Variants in JAZF1 observed in about 807,000 individuals in gnomAD.
JAZF1 encodes JAZF zinc finger 1.
Under a neutral mutation model 26.4 loss-of-function variants are expected in JAZF1, and 8 were observed. That is an observed-to-expected ratio of 0.30 (90% CI 0.18 to 0.55). The LOEUF is 0.55. Among genes scored for constraint, JAZF1 ranks in the 20% least tolerant of loss-of-function variants. The pLI is 0.94. For synonymous variants in JAZF1, 126 were observed against 122.3 expected, an observed-to-expected ratio of 1.03 and a Z score of -0.20; for missense variants, 199 against 322.0, an observed-to-expected ratio of 0.62 and a Z score of 2.92.
intron 3 of JAZF1, among the ~76,000 whole-genome samples, chr7:27,881,910 C>T (rs1016999609): frequency 1.3e-5 from 2 of 152,138 alleles, no homozygotes; most frequent in Non-Finnish European, 2.9e-5. Context: ...ACATGAAAAG[C>T]ACCACTTCAT....
At chr7:27,856,470 T>C (rs1053101221) in intron 3 of JAZF1, among the ~76,000 whole-genome samples, 2 of 152,220 alleles carry the variant, frequency 1.3e-5, no homozygotes, top group African/African-American at 4.8e-5. Flanking sequence ...TTGCCACTGC[T>C]GATTCAGGCA....
At chr7:28,027,956 G>C (rs1783120886) in intron 1 of JAZF1, among the ~76,000 whole-genome samples, 1 of 152,122 alleles carries the variant, frequency 6.6e-6, no homozygotes, top group Non-Finnish European at 1.5e-5. Context: ...GTTATGAAGG[G>C]ACCCATTTCT....
intron 1 of JAZF1, among the ~76,000 whole-genome samples, chr7:28,028,448 C>T (rs753053396): frequency 6.6e-6 from 1 of 152,194 alleles, no homozygotes; most frequent in Non-Finnish European, 1.5e-5. Context: ...AATACTAAAT[C>T]AAACTTCTTG....
intron 1 of JAZF1, chr7:28,020,496 A>T: frequency 2.3e-6 from 1 of 436,192 alleles, no homozygotes; most frequent in Non-Finnish European, 4.8e-6. Context: ...GAAGCCTATG[A>T]CCCCTAGGAC....
At chr7:27,918,012 C>T (rs1246298034) in intron 2 of JAZF1, among the ~76,000 whole-genome samples, 1 of 152,176 alleles carries the variant, frequency 6.6e-6, no homozygotes, top group East Asian at 1.9e-4. Flanking sequence ...TGATGAACTA[C>T]AGTGGCACTT....
chr7:27,879,214 C>T (rs1486574127), intron 3 of JAZF1, among the ~76,000 whole-genome samples: 1 of 152,152 alleles, frequency 6.6e-6, no homozygotes. Flanking sequence ...TGTGATTTGT[C>T]CTATGTGTAT....
intron 2 of JAZF1, among the ~76,000 whole-genome samples, chr7:27,979,996 T>C (rs1009658102): frequency 6.6e-6 from 1 of 152,218 alleles, no homozygotes; most frequent in Non-Finnish European, 1.5e-5. Context: ...TAACCTCTAA[T>C]TATCTAGGAC....
rs117681506 is a variant in JAZF1 at position 27,839,566 on chromosome 7, A to G, written c.555+1132T>C. 2.6e-4 allele frequency among the ~76,000 whole-genome samples: 39 copies of G among 152,236 alleles called. No homozygotes were observed. In the East Asian group the frequency reaches 6.9e-3, roughly 27 times the overall value. On this transcript the variant is annotated intron_variant, in intron 4 of 4. Coordinates refer to ENST00000283928, the MANE Select transcript of JAZF1 (RefSeq NM_175061.4). ...CGTCCTGAGACCTGTTCTGACCCAA[A>G]TGCAGCGCTCCTCTGCCAGCCCTCA...
chr7:27,906,381 G>A (rs1056174607), intron 2 of JAZF1, among the ~76,000 whole-genome samples: 10 of 152,142 alleles, frequency 6.6e-5, no homozygotes, highest in Non-Finnish European at 1.3e-4. Flanking sequence ...TAAACCAGTA[G>A]TATCTTTTCC....
chr7:28,177,194 G>A (rs1783561729), intron 1 of JAZF1, among the ~76,000 whole-genome samples: 1 of 152,046 alleles, frequency 6.6e-6, no homozygotes, highest in Admixed American at 6.6e-5. Context: ...CTCCAGTACT[G>A]AACCAGCAGT....
intron 3 of JAZF1, among the ~76,000 whole-genome samples, chr7:27,845,425 G>A (rs1308351895): frequency 2.0e-5 from 3 of 152,164 alleles, no homozygotes; most frequent in East Asian, 1.9e-4. Flanking sequence ...AGGGCTGGGC[G>A]CAGTGGCTCA....
Position 27,891,079 on chromosome 7 carries a change from C to G in JAZF1, c.385+4141G>C, listed in dbSNP as rs139674706. Reference sequence around the variant, plus strand: ...TGCTGGGATTACAGGCGTGAGCGACCGTGCCTGGCCCATGTTACTACTTTT... The same window carrying G: ...TGCTGGGATTACAGGCGTGAGCGACGGTGCCTGGCCCATGTTACTACTTTT... On this transcript the variant is annotated intron_variant, in intron 3 of 4. Transcript: ENST00000283928. Among the ~76,000 whole-genome samples the G allele has an allele frequency of 5.6e-3, 854 of 152,242 alleles. 11 individuals carry two copies. Among genetic ancestry groups the G allele is most frequent in the African/African-American group, 0.02 (819 of 41,560 alleles).
intron 1 of JAZF1, among the ~76,000 whole-genome samples, chr7:28,001,122 G>C (rs553741413): frequency 1.3e-5 from 2 of 151,924 alleles, no homozygotes; most frequent in Admixed American, 6.6e-5. Flanking sequence ...GGGAGGCCAA[G>C]GCAGGCAAAT....
intron 1 of JAZF1, among the ~76,000 whole-genome samples, chr7:28,099,849 T>A (rs1583559804): frequency 6.6e-6 from 1 of 152,188 alleles, no homozygotes; most frequent in African/African-American, 2.4e-5. Context: ...CTCACTTTCC[T>A]ACAAAAAGAT....
rs1422104815 is a variant in JAZF1 at position 28,110,584 on chromosome 7, GGAAAA to G, written c.115+69874_115+69878del. Reference sequence around the variant, plus strand: ...GGGAAAGGAAAAGGGAAAGGGAAAAGGAAAAGGAAAAGGAAAAGGAAAAGGAAAGG... The same window carrying G: ...GGGAAAGGAAAAGGGAAAGGGAAAAGGGAAAAGGAAAAGGAAAAGGAAAGG... On this transcript the variant is annotated intron_variant, in intron 1 of 4. Transcript: ENST00000283928. 1.6e-3 allele frequency among the ~76,000 whole-genome samples: 139 copies of G among 87,574 alleles called. 11 individuals carry two copies. Among genetic ancestry groups the G allele is most frequent in the East Asian group, 0.012 (5 of 416 alleles). The allele number at this position is 87,574 out of a possible 152,430, so 57.5% of individuals were successfully genotyped here.
At chr7:28,125,775 G>T (rs1378674926) in intron 1 of JAZF1, among the ~76,000 whole-genome samples, 2 of 152,146 alleles carry the variant, frequency 1.3e-5, no homozygotes, top group Non-Finnish European at 2.9e-5. Context: ...CCCTCACTCA[G>T]TGCAAGCATG....
chr7:27,912,246 A>G (rs1166460338), intron 2 of JAZF1, among the ~76,000 whole-genome samples: 2 of 152,134 alleles, frequency 1.3e-5, no homozygotes, highest in African/African-American at 2.4e-5. Flanking sequence ...TTTCACTTAC[A>G]CTTCTTTCAG....
Position 28,020,705 on chromosome 7 carries a change from A to G in JAZF1, c.116-28724T>C, listed in dbSNP as rs201668320. The stretch of plus-strand genomic sequence containing the variant: ...CGAAGGAACTGCTGATGAATGTGAC[A>G]CTGGCATTTGTCCCTCCCAACTGCA... On this transcript the variant is annotated intron_variant, in intron 1 of 4. Coordinates refer to ENST00000283928, the MANE Select transcript of JAZF1 (RefSeq NM_175061.4). 1.4e-3 allele frequency: 643 copies of G among 471,234 alleles called. 3 individuals carry two copies. The highest frequency in any genetic ancestry group is 0.01 in the Admixed American group (445 of 42,596). The allele number at this position is 471,234 out of a possible 1,614,324, so 29.2% of individuals were successfully genotyped here.
rs577058798 is a variant in JAZF1, at chr7:28,027,451, C to T, written c.116-35470G>A. On this transcript the variant is annotated intron_variant, in intron 1 of 4. Transcript: ENST00000283928. ...GACATTTTAAAATGTCTTTCATTGG[C>T]AAAATAAAGAGTTACCATTGGCATA... Among the ~76,000 whole-genome samples, 73 of 152,138 alleles carry T rather than the reference C, an allele frequency of 4.8e-4. 2 individuals carry two copies. The Middle Eastern group carries it at 0.014, about 28-fold the overall frequency.
Sources: gnomAD v4.1 joint callset for allele counts (sites outside exome capture counted in the v4.1 genomes callset) on GRCh38, gnomAD v4.1.1 for gene constraint, MANE v1.5 for transcripts, NCBI Gene and HGNC (gene_info 2026-07-23, HGNC 2026-07-21) for gene names.